Variants in CACNA1B observed in about 807,000 individuals in gnomAD.
The protein encoded by CACNA1B is voltage-dependent N-type calcium channel subunit alpha-1B.
Under a neutral mutation model 247.2 loss-of-function variants are expected in CACNA1B, and 70 were observed. That is an observed-to-expected ratio of 0.28 (90% CI 0.23 to 0.35). The LOEUF (loss-of-function observed/expected upper bound fraction) is 0.35. CACNA1B is among the 10% of genes least tolerant of loss of function. The pLI is 1.00. For synonymous variants in CACNA1B, 1,231 were observed against 1,294.4 expected (o/e 0.95, Z 1.05); for missense variants, 2,367 against 3,197.4 (o/e 0.74, Z 6.26).
intron 20 of CACNA1B, among the ~76,000 whole-genome samples, chr9:138,027,765 C>T (rs1168494916): frequency 6.6e-6 from 1 of 152,086 alleles, no homozygotes; most frequent in Admixed American, 6.5e-5. Flanking sequence ...TATGAAATAT[C>T]TTTGCAATCT....
chr9:138,002,478 G>T, intron 15 of CACNA1B, among the ~76,000 whole-genome samples: 1 of 151,662 alleles, frequency 6.6e-6, no homozygotes. Context: ...GGAGGCTGAG[G>T]TGGGAGTATC....
intron 6 of CACNA1B, among the ~76,000 whole-genome samples, chr9:137,938,716 A>AAT (rs1373430157): frequency 6.6e-6 from 1 of 152,210 alleles, no homozygotes; most frequent in Non-Finnish European, 1.5e-5. Context: ...CACAATCCTA[A>AAT]ATATATATGC....
In CACNA1B at chr9:138,013,168, G is replaced by A; in HGVS notation, c.2200G>A (p.Ala734Thr). The change falls in exon 18 of 47, where the codon GCT becomes ACT. Residue 734 changes from alanine to threonine, a missense_variant. By Grantham distance (58) the Ala-to-Thr change is moderately conservative (BLOSUM62 0). Transcript: ENST00000371372. ...GGAAGAAGCAGCCAATCAGAAGCTT[G>A]CTCTGCAAAAGGCCAAAGAAGTGGC... ...EMEEAANQKL[A>T]LQKAKEVAEV... is the part of the protein sequence containing the mutation. 1 of 1,612,914 alleles carries A rather than the reference G, an allele frequency of 6.2e-7. No homozygotes were observed. The highest frequency in any genetic ancestry group is 8.5e-7 in the Non-Finnish European group (1 of 1,179,430).
Position 137,914,935 on chromosome 9 carries a change from G to A in CACNA1B, c.775+129G>A, listed in dbSNP as rs1957394151. 1.1e-6 allele frequency: 1 copy of A among 916,332 alleles called. No homozygotes were observed. The highest frequency in any genetic ancestry group is 1.6e-6 in the Non-Finnish European group (1 of 620,306). 56.8% of individuals were successfully genotyped at this position (916,332 alleles called of 1,614,324 possible). ...TACATGAGGTGGAGCTGACATTCTA[G>A]TGGGGGACATAGACGATAGCCTGAT... On this transcript the variant is annotated intron_variant, in intron 5 of 46. Coordinates refer to ENST00000371372, the MANE Select transcript of CACNA1B (RefSeq NM_000718.4). This position sits in a 1 kb window ranked among gnomAD's most constrained non-coding sequence, Gnocchi z 4.3.
intron 41 of CACNA1B, among the ~76,000 whole-genome samples, chr9:138,115,100 G>T (rs185210714): frequency 1.3e-5 from 2 of 152,260 alleles, no homozygotes; most frequent in Admixed American, 1.3e-4. Context: ...CACACCTGGG[G>T]TAGACATCAC....
rs1959591558 is a variant in CACNA1B, at chr9:138,058,378, G to A, written c.4308+128G>A. Reference sequence around the variant, plus strand: ...CCACCGTCTGCCAACACAGGGGCAGGTCCTCCTTTCTCCTGCAGAGGGACC... The same window carrying A: ...CCACCGTCTGCCAACACAGGGGCAGATCCTCCTTTCTCCTGCAGAGGGACC... On this transcript the variant is annotated intron_variant, in intron 28 of 46. Coordinates refer to ENST00000371372, the MANE Select transcript of CACNA1B (RefSeq NM_000718.4). This position sits in a 1 kb window ranked among gnomAD's most constrained non-coding sequence, Gnocchi z 4.7. 2 of 980,328 alleles carry A rather than the reference G, an allele frequency of 2.0e-6. No homozygotes were observed. The highest frequency in any genetic ancestry group is 3.2e-6 in the Non-Finnish European group (2 of 633,200). The allele number at this position is 980,328 out of a possible 1,614,324, so 60.7% of individuals were successfully genotyped here. A position where few individuals can be genotyped will look rare whatever the true frequency, so the allele number is the denominator to read the frequency against.
At chr9:137,997,828 A>C (rs1023941962) in intron 15 of CACNA1B, among the ~76,000 whole-genome samples, 1 of 152,238 alleles carries the variant, frequency 6.6e-6, no homozygotes, top group Non-Finnish European at 1.5e-5. Flanking sequence ...ACAAGGAAAC[A>C]TGTAAAGCCA....
chr9:137,983,309 C>A (rs1349022598), intron 12 of CACNA1B, among the ~76,000 whole-genome samples: 2 of 152,188 alleles, frequency 1.3e-5, no homozygotes, highest in African/African-American at 4.8e-5. Flanking sequence ...AGATTGTGCC[C>A]CTTGAGGTAT....
chr9:137,981,788 C>G (rs1165543509), intron 12 of CACNA1B, among the ~76,000 whole-genome samples: 1 of 152,166 alleles, frequency 6.6e-6, no homozygotes, highest in South Asian at 2.1e-4. Context: ...CTGTTTTCTA[C>G]TTTTTACATA....
intron 3 of CACNA1B, among the ~76,000 whole-genome samples, chr9:137,883,386 G>A (rs1374540075): frequency 2.6e-5 from 4 of 152,214 alleles, no homozygotes; most frequent in African/African-American, 7.2e-5. Flanking sequence ...GGCTGTGTGT[G>A]TCGAGTGCTT....
At position 137,930,176 on chromosome 9, in the gene CACNA1B, C is replaced by T. The variant is rs73587274; in HGVS notation, c.966+12745C>T. 2.3e-3 allele frequency among the ~76,000 whole-genome samples: 353 copies of T among 152,272 alleles called. 1 individual carries two copies. Among genetic ancestry groups the T allele is most frequent in the African/African-American group, 7.8e-3 (323 of 41,554 alleles). On this transcript the variant is annotated intron_variant, in intron 6 of 46. Transcript: ENST00000371372. ...AATGTCAGCTGGGCGCAGTGGCTCACGCTGGGGGTTTAGATGATTATTTAG... is the reference window on the plus strand; with the variant it reads ...AATGTCAGCTGGGCGCAGTGGCTCATGCTGGGGGTTTAGATGATTATTTAG...
chr9:138,004,267 C>T (rs989539563), intron 15 of CACNA1B, among the ~76,000 whole-genome samples: 6 of 152,042 alleles, frequency 3.9e-5, no homozygotes, highest in African/African-American at 1.2e-4. Flanking sequence ...ACATGGAGAG[C>T]CGGGTGCAGT....
At chr9:137,903,481 G>T (rs1215717441) in intron 3 of CACNA1B, among the ~76,000 whole-genome samples, 1 of 152,184 alleles carries the variant, frequency 6.6e-6, no homozygotes. Context: ...CTGTGGTCTC[G>T]TTGTGTAGCT....
At chr9:137,925,935 T>C (rs1260105749) in intron 6 of CACNA1B, among the ~76,000 whole-genome samples, 1 of 138,932 alleles carries the variant, frequency 7.2e-6, no homozygotes, top group Non-Finnish European at 1.5e-5. Context: ...TTTTTTTTTT[T>C]AGTAGAGACG....
chr9:138,015,929 C>G (rs987795035), intron 18 of CACNA1B, among the ~76,000 whole-genome samples: 2 of 152,152 alleles, frequency 1.3e-5, no homozygotes, highest in African/African-American at 4.8e-5. Flanking sequence ...CTCACACACA[C>G]ACACATACTC....
At position 137,954,545 on chromosome 9, in the gene CACNA1B, A is replaced by G. The variant is rs1392751813; in HGVS notation, c.1071-1153A>G. 1.3e-4 allele frequency among the ~76,000 whole-genome samples: 20 copies of G among 152,076 alleles called. No individual in the cohort carries two copies. Among genetic ancestry groups the G allele is most frequent in the Admixed American group, 1.3e-3 (20 of 15,276 alleles). ...TGGGAGCTCTCAGATCAGTTCAAGCAGTGATGTCCTTGCCCTTCCCCTGCC... is the reference window on the plus strand; with the variant it reads ...TGGGAGCTCTCAGATCAGTTCAAGCGGTGATGTCCTTGCCCTTCCCCTGCC... On this transcript the variant is annotated intron_variant, in intron 7 of 46. Coordinates refer to ENST00000371372, the MANE Select transcript of CACNA1B (RefSeq NM_000718.4). The surrounding 1 kb of genome is among the most constrained non-coding windows in gnomAD (Gnocchi z 4.1).
rs1960192959 is a variant in CACNA1B, at chr9:138,073,334, TGCTTAGA to T, written c.4675-153_4675-147del. ...GGAAGATTTTCTGGTGGCCGATTGC[TGCTTAGA>T]CTGTGAAGCAGAGACCTTTGATTTT... On this transcript the variant is annotated intron_variant, in intron 32 of 46. Coordinates refer to ENST00000371372, the MANE Select transcript of CACNA1B (RefSeq NM_000718.4). This position sits in a 1 kb window ranked among gnomAD's most constrained non-coding sequence, Gnocchi z 6.4. 6.6e-6 allele frequency among the ~76,000 whole-genome samples: 1 copy of T among 152,234 alleles called. No homozygotes were observed. The highest frequency in any genetic ancestry group is 2.1e-4 in the South Asian group (1 of 4,830).
intron 6 of CACNA1B, among the ~76,000 whole-genome samples, chr9:137,941,835 T>C (rs1464365758): frequency 1.3e-5 from 2 of 152,162 alleles, no homozygotes; most frequent in East Asian, 1.9e-4. Flanking sequence ...CAACTCAAGA[T>C]GGATCAAGGA....
At chr9:137,940,044 A>T (rs1459866025) in intron 6 of CACNA1B, among the ~76,000 whole-genome samples, 1 of 151,918 alleles carries the variant, frequency 6.6e-6, no homozygotes, top group East Asian at 1.9e-4. Flanking sequence ...TCAAACCCAA[A>T]CCCAGCAGAA....
Sources: allele counts gnomAD v4.1 joint callset (sites outside exome capture counted in the v4.1 genomes callset), GRCh38; gene constraint gnomAD v4.1.1; non-coding constraint Gnocchi (gnomAD v3.1); transcripts MANE v1.5; gene names NCBI Gene and HGNC (gene_info 2026-07-23, HGNC 2026-07-21).